Variants in LCT observed in about 807,000 individuals in gnomAD.
LCT encodes lactase/phlorizin hydrolase.
Under a neutral mutation model 173.0 loss-of-function variants are expected in LCT, and 90 were observed. That is an observed-to-expected ratio of 0.52 (90% CI 0.44 to 0.62). LCT has a LOEUF of 0.62. Among genes scored for constraint, LCT ranks in the 20% least tolerant of loss-of-function variants. LCT has a pLI of 0.00. For synonymous variants in LCT, 853 were observed against 957.6 expected, an observed-to-expected ratio of 0.89 and a Z score of 2.02; for missense variants, 1,864 against 2,431.4, an observed-to-expected ratio of 0.77 and a Z score of 4.91.
intron 10 of LCT, among the ~76,000 whole-genome samples, chr2:135,804,368 G>A (rs2077651324): frequency 1.3e-5 from 2 of 152,188 alleles, no homozygotes; most frequent in South Asian, 4.1e-4. Flanking sequence ...TGCATCATAT[G>A]AATTCACTGA....
At chr2:135,816,332 C>T (rs554667894) in intron 6 of LCT, among the ~76,000 whole-genome samples, 33 of 152,224 alleles carry the variant, frequency 2.2e-4, no homozygotes, top group Admixed American at 2.2e-3. Context: ...AGCCTCCTGG[C>T]CAGGACCCAG....
At chr2:135,813,023 G>A in intron 6 of LCT, 67 bp from the exon 7 acceptor site, 1 of 1,396,366 alleles carries the variant, frequency 7.2e-7, no homozygotes, top group Non-Finnish European at 1.0e-6. Context: ...CAGGACTAAT[G>A]AACCAATAAC....
chr2:135,811,272 C>T (rs536787392), intron 7 of LCT, among the ~76,000 whole-genome samples: 1 of 152,074 alleles, frequency 6.6e-6, no homozygotes, highest in South Asian at 2.1e-4. Flanking sequence ...TGAATGGTGA[C>T]CCCCGAAAGA....
intron 6 of LCT, among the ~76,000 whole-genome samples, chr2:135,815,633 G>T (rs1462879310): frequency 6.6e-6 from 1 of 151,968 alleles, no homozygotes; most frequent in East Asian, 1.9e-4. Context: ...ACATGTCCAG[G>T]GCATGGCTGT....
At chr2:135,834,483 C>T (rs2077968219) in intron 1 of LCT, among the ~76,000 whole-genome samples, 1 of 147,372 alleles carries the variant, frequency 6.8e-6, no homozygotes, top group Admixed American at 6.7e-5. Flanking sequence ...CCACGCCTGG[C>T]CTTATTTTAT....
intron 1 of LCT, among the ~76,000 whole-genome samples, chr2:135,834,864 A>G (rs1009223863): frequency 6.6e-6 from 1 of 151,828 alleles, no homozygotes; most frequent in Non-Finnish European, 1.5e-5. Context: ...CAAATTAACA[A>G]GACATGAAAA....
chr2:135,809,208 C>G lies in LCT; in HGVS notation c.3139G>C (p.Asp1047His). The G allele has an allele frequency of 1.2e-6, 2 of 1,614,204 alleles. No homozygotes were observed. Among genetic ancestry groups the G allele is most frequent in the Non-Finnish European group, 1.7e-6 (2 of 1,180,052 alleles). The change falls in exon 8 of 17, where the codon GAC becomes CAC. Residue 1047 changes from aspartate (D) to histidine (H), a missense_variant. Transcript: ENST00000264162. The surrounding 1 kb of genome is among the most constrained non-coding windows in gnomAD (Gnocchi z 5.5). ...ALIDLFDSYA[D>H]FCFQTFGDRV... ...TCACCAAAGGTCTGGAAACAAAAGT[C>G]TGCGTAGCTGTCAAACAAGTCAATC... is the stretch of plus-strand genomic sequence containing the variant.
rs772003878 is a variant in LCT at position 135,790,918 on chromosome 2, G to A, written c.5112-37C>T. The A allele has an allele frequency of 1.3e-6, 2 of 1,513,314 alleles. No individual in the cohort carries two copies. Among genetic ancestry groups the A allele is most frequent in the Non-Finnish European group, 9.2e-7 (1 of 1,088,430 alleles). 93.7% of individuals were successfully genotyped at this position (1,513,314 alleles called of 1,614,324 possible). A position where few individuals can be genotyped will look rare whatever the true frequency, so the allele number is the denominator to read the frequency against. ...AAAACTAAAGATGAGGTCTTGTTTT[G>A]TAAATCTCAAGAGGCCCTTTACACG... On this transcript the variant is annotated intron_variant, in intron 14 of 16. Transcript: ENST00000264162. The surrounding 1 kb of genome is among the most constrained non-coding windows in gnomAD (Gnocchi z 4.1).
intron 1 of LCT, 43 bp downstream of exon 1, chr2:135,836,487 T>C (rs1452964171): frequency 6.3e-7 from 1 of 1,591,536 alleles, no homozygotes; most frequent in South Asian, 1.1e-5. Context: ...AGGTGTGTGA[T>C]GAAGGTTGCC....
rs1297067405 is a variant in LCT at position 135,801,353 on chromosome 2, T to C, written c.4664-544A>G. On this transcript the variant is annotated intron_variant, in intron 11 of 16. Transcript: ENST00000264162. The stretch of plus-strand genomic sequence containing the variant: ...ACTAAAGAGATGGAATTTCTTTCTA[T>C]TGAGTTAGCTTCAAACCAATGTTAT... 7.9e-5 allele frequency among the ~76,000 whole-genome samples: 12 copies of C among 152,288 alleles called. No individual in the cohort carries two copies. The South Asian group carries it at 2.5e-3, about 32-fold the overall frequency.
chr2:135,830,251 C>T (rs868020911), intron 2 of LCT, among the ~76,000 whole-genome samples: 1 of 151,988 alleles, frequency 6.6e-6, no homozygotes, highest in Non-Finnish European at 1.5e-5. Context: ...AGAGACAACC[C>T]TCATGGTCCT....
rs559605965 is a variant in LCT at position 135,812,519 on chromosome 2, A to G, written c.2145T>C (p.His715=). The change falls in exon 7 of 17, where the codon CAT becomes CAC. Residue 715 remains histidine, a synonymous_variant. Transcript: ENST00000264162. ...AAGAGGATGAGGTCTGGGGCCACAC[A>G]TGGTTCACGTGTTGGGAGAAGCCTC... The part of the protein sequence containing the change: ...TIGGFSQHVN[H]VWPQTSSSWI... 2.5e-6 allele frequency: 4 copies of G among 1,614,028 alleles called. No homozygotes were observed. The African/African-American group carries it at 4.0e-5, about 16-fold the overall frequency.
intron 5 of LCT, among the ~76,000 whole-genome samples, chr2:135,818,719 C>T (rs2077802411): frequency 1.3e-5 from 2 of 152,176 alleles, no homozygotes. Context: ...GGCCTGTAAT[C>T]CCAGCTACTC....
In LCT at chr2:135,788,398, T is replaced by C; in HGVS notation, c.5710A>G (p.Lys1904Glu). Residue 1904 changes from lysine (K) to glutamate (E), a missense_variant, in exon 17 of 17, where the codon AAG (lysine) becomes GAG (glutamate). By Grantham distance (56) the Lys-to-Glu change is moderately conservative. This residue lies in a region of LCT where 514 missense variants were observed against 750.1 expected (regional missense o/e 0.69). Coordinates refer to ENST00000264162, the MANE Select transcript of LCT (RefSeq NM_002299.4). ...GVCGLAFLSY[K>E]YCKRSKQGKT... ...CCTTGCTTAGAGCGCTTGCAGTACT[T>C]GTATGACAGAAATGCCAAGCCACAG... 6.2e-7 allele frequency: 1 copy of C among 1,614,158 alleles called. No homozygotes were observed. Among genetic ancestry groups the C allele is most frequent in the Non-Finnish European group, 8.5e-7 (1 of 1,180,022 alleles).
At chr2:135,794,923 T>C (rs995008897) in intron 13 of LCT, 148 bp from the exon 14 acceptor site, 3 of 846,842 alleles carry the variant, frequency 3.5e-6, no homozygotes, top group African/African-American at 5.3e-5. Flanking sequence ...GAAGAGGTCC[T>C]TCAGGCGGTG....
chr2:135,802,126 A>T (rs1368357421), intron 11 of LCT, among the ~76,000 whole-genome samples: 2 of 152,180 alleles, frequency 1.3e-5, no homozygotes, highest in African/African-American at 4.8e-5. Context: ...AGGAGTGTAA[A>T]CCAAAGGGGC....
chr2:135,802,505 T>C (rs1030757586), intron 11 of LCT, among the ~76,000 whole-genome samples: 2 of 152,336 alleles, frequency 1.3e-5, no homozygotes, highest in African/African-American at 4.8e-5. Context: ...ATGTGGCATC[T>C]ATATATGATG....
intron 2 of LCT, among the ~76,000 whole-genome samples, chr2:135,831,517 G>A (rs192894340): frequency 1.7e-4 from 26 of 152,314 alleles, no homozygotes; most frequent in African/African-American, 6.3e-4. Context: ...GCATTTCACA[G>A]CATGGACTGG....
At chr2:135,831,899 G>T (rs1055319407) in intron 2 of LCT, among the ~76,000 whole-genome samples, 1 of 152,128 alleles carries the variant, frequency 6.6e-6, no homozygotes, top group African/African-American at 2.4e-5. Flanking sequence ...TCACTTCCCA[G>T]ATTATTTTAA....
Sources: allele counts gnomAD v4.1 joint callset (sites outside exome capture counted in the v4.1 genomes callset), GRCh38; gene constraint gnomAD v4.1.1; regional missense constraint gnomAD v4.1.1; non-coding constraint Gnocchi (gnomAD v3.1); transcripts MANE v1.5; gene names NCBI Gene and HGNC (gene_info 2026-07-23, HGNC 2026-07-21).